The following FBXW2 variants were observed in gnomAD, a reference collection of about 807,000 sequenced individuals.
FBXW2 encodes the protein F-box/WD repeat-containing protein 2.
Under a neutral mutation model 46.0 loss-of-function variants are expected in FBXW2, and 12 were observed. The observed-to-expected ratio is 0.26, with a 90% CI of 0.17 to 0.42. FBXW2 has a LOEUF of 0.42. Among genes scored for constraint, FBXW2 ranks in the 10% least tolerant of loss-of-function variants. The pLI is 1.00. For missense variants in FBXW2, 360 were observed against 537.0 expected, an observed-to-expected ratio of 0.67 and a Z score of 3.26; for synonymous variants, 203 against 209.6, an observed-to-expected ratio of 0.97 and a Z score of 0.27.
rs2044144696 is a variant in FBXW2 at position 120,757,499 on chromosome 9, G to C, written c.*7060C>G. The C allele has an allele frequency of 6.6e-6, 1 of 152,140 alleles. No homozygotes were observed. The highest frequency in any genetic ancestry group is 1.5e-5 in the Non-Finnish European group (1 of 68,020). The allele number at this position is 152,140 out of a possible 1,614,324, so 9.4% of individuals were successfully genotyped here. A position where few individuals can be genotyped will look rare whatever the true frequency, so the allele number is the denominator to read the frequency against. On this transcript the variant is annotated 3_prime_UTR_variant, in exon 8 of 8. Transcript: ENST00000608872. ...CCTAATTATCTACCAAAACAGAAAT[G>C]GTTTAGCAAATTACAGTAATGAAGG...
At chr9:120,785,680 TA>T (rs2044704804) in intron 3 of FBXW2, among the ~76,000 whole-genome samples, 2 of 152,094 alleles carry the variant, frequency 1.3e-5, no homozygotes, top group Admixed American at 1.3e-4. Context: ...GCAAGTTACT[TA>T]ACACTATATT....
intron 5 of FBXW2, among the ~76,000 whole-genome samples, chr9:120,774,559 T>C (rs1450894642): frequency 6.6e-6 from 1 of 152,174 alleles, no homozygotes; most frequent in Admixed American, 6.5e-5. Context: ...ACAGTGAATC[T>C]GCAAGCCAGG....
chr9:120,767,702 T>A (rs1425009968), intron 7 of FBXW2, among the ~76,000 whole-genome samples: 3 of 152,188 alleles, frequency 2.0e-5, no homozygotes, highest in Non-Finnish European at 4.4e-5. Flanking sequence ...ATACTGAATT[T>A]CCTAGTCAAA....
At chr9:120,772,625 T>C in intron 6 of FBXW2, 129 bp downstream of exon 6, 1 of 564,632 alleles carries the variant, frequency 1.8e-6, no homozygotes, top group South Asian at 2.5e-5. Context: ...CCGGTGGGTT[T>C]AAAATGGCTT....
chr9:120,790,008 T>C (rs1345107431), intron 2 of FBXW2, among the ~76,000 whole-genome samples: 1 of 152,230 alleles, frequency 6.6e-6, no homozygotes, highest in African/African-American at 2.4e-5. Flanking sequence ...TATCGACTTA[T>C]CACGCAATAA....
intron 3 of FBXW2, 63 bp from the exon 4 acceptor site, chr9:120,778,608 C>T: frequency 5.0e-6 from 7 of 1,402,394 alleles, no homozygotes; most frequent in South Asian, 5.0e-5. Context: ...AAAATCAATC[C>T]CAAAATCATG....
chr9:120,770,181 C>T (rs1226931316), intron 7 of FBXW2, among the ~76,000 whole-genome samples: 4 of 152,110 alleles, frequency 2.6e-5, no homozygotes, highest in Admixed American at 6.6e-5. Flanking sequence ...TTGAGTCCAT[C>T]CTGCCTAGCA....
chr9:120,778,353 G>A lies in FBXW2; in HGVS notation c.683C>T (p.Ala228Val), dbSNP rs368572383. 2.0e-6 allele frequency: 2 copies of A among 1,008,492 alleles called. No individual in the cohort carries two copies. The highest frequency in any genetic ancestry group is 2.9e-6 in the Non-Finnish European group (2 of 686,944). 62.5% of individuals were successfully genotyped at this position (1,008,492 alleles called of 1,614,324 possible). ...RTQHFRGHTG[A>V]VFSVDYNDEL... Reference sequence around the variant, plus strand: ...ACCCTTGAAAAAGGGCAACCCACCCGCCCCCGTGTGCCCCCGAAAGTGCTG... The same window carrying A: ...ACCCTTGAAAAAGGGCAACCCACCCACCCCCGTGTGCCCCCGAAAGTGCTG... The change falls in exon 4 of 8, where the codon GCG (alanine) becomes GTG (valine). Residue 228 changes from alanine (A) to valine (V), a missense_variant and splice_region_variant. By Grantham distance (64) the Ala-to-Val change is moderately conservative. Coordinates refer to ENST00000608872, the MANE Select transcript of FBXW2 (RefSeq NM_012164.4).
At chr9:120,778,627 C>G in intron 3 of FBXW2, 82 bp from the exon 4 acceptor site, 1 of 1,209,566 alleles carries the variant, frequency 8.3e-7, no homozygotes, top group Non-Finnish European at 1.2e-6. Context: ...TGGTGTTCTT[C>G]AAGAACATTA....
At chr9:120,778,687 C>T (rs968771865) in intron 3 of FBXW2, 142 bp from the exon 4 acceptor site, 48 of 724,942 alleles carry the variant, frequency 6.6e-5, no homozygotes, top group African/African-American at 2.8e-4. Flanking sequence ...AATCAAAGCA[C>T]GGAGAGAGTA....
rs1301168640 is a variant in FBXW2, at chr9:120,757,139, C to T, written c.*7420G>A. On this transcript the variant is annotated 3_prime_UTR_variant, in exon 8 of 8. Transcript: ENST00000608872. ...CAAATAAGCACACATAAAAATATGT[C>T]ATTTTCTCTCTAGTCCCCTCCCCCA... 2.1e-5 allele frequency: 3 copies of T among 140,990 alleles called. No individual in the cohort carries two copies. The highest frequency in any genetic ancestry group is 4.7e-5 in the Non-Finnish European group (3 of 64,432). The allele number at this position is 140,990 out of a possible 1,614,324, so 8.7% of individuals were successfully genotyped here.
intron 5 of FBXW2, 91 bp from the exon 6 acceptor site, chr9:120,772,931 A>G (rs983462571): frequency 2.1e-4 from 190 of 889,356 alleles, no homozygotes; most frequent in Non-Finnish European, 2.8e-4. Context: ...AAATGAGCTT[A>G]ACATATGCTA....
intron 7 of FBXW2, among the ~76,000 whole-genome samples, chr9:120,766,216 G>C (rs564874564): frequency 6.6e-6 from 1 of 152,176 alleles, no homozygotes; most frequent in African/African-American, 2.4e-5. Context: ...AGCTGAGATG[G>C]GGAAGGAAAG....
At chr9:120,770,505 A>T (rs1361029628) in intron 7 of FBXW2, among the ~76,000 whole-genome samples, 1 of 152,236 alleles carries the variant, frequency 6.6e-6, no homozygotes, top group Non-Finnish European at 1.5e-5. Flanking sequence ...TGTGAAGTAC[A>T]GTAGGTTCAA....
At chr9:120,787,658 T>G in intron 3 of FBXW2, 111 bp downstream of exon 3, 1 of 1,189,008 alleles carries the variant, frequency 8.4e-7, no homozygotes. Flanking sequence ...AAAGTCACTG[T>G]ACATATCTCA....
At chr9:120,774,333 A>C (rs1348584834) in intron 5 of FBXW2, among the ~76,000 whole-genome samples, 1 of 80,130 alleles carries the variant, frequency 1.2e-5, no homozygotes, top group African/African-American at 5.0e-5. Context: ...GTGAAACTCC[A>C]TCTCAAAAAA....
intron 5 of FBXW2, among the ~76,000 whole-genome samples, chr9:120,775,598 G>T (rs575872224): frequency 2.0e-5 from 3 of 151,600 alleles, no homozygotes; most frequent in African/African-American, 4.8e-5. Context: ...CAACAATCTT[G>T]TTTTTTTTAA....
chr9:120,778,390 C>T lies in FBXW2; in HGVS notation c.646G>A (p.Gly216Arg). The change falls in exon 4 of 8, where the codon GGA becomes AGA. Residue 216 changes from glycine (G) to arginine (R), a missense_variant. Gly to Arg is a moderately radical substitution (Grantham distance 125). Transcript: ENST00000608872. ...NTVACWEWSS[G>R]ARTQHFRGHT... ...CCCCGAAAGTGCTGGGTCCTGGCTCCGGAACTCCATTCCCAGCAAGCCACA... is the reference window on the plus strand; with the variant it reads ...CCCCGAAAGTGCTGGGTCCTGGCTCTGGAACTCCATTCCCAGCAAGCCACA... 1.2e-6 allele frequency: 2 copies of T among 1,613,848 alleles called. No individual in the cohort carries two copies. The highest frequency in any genetic ancestry group is 1.7e-6 in the Non-Finnish European group (2 of 1,179,986).
chr9:120,791,716 C>T (rs753875852), intron 2 of FBXW2, among the ~76,000 whole-genome samples: 6 of 152,136 alleles, frequency 3.9e-5, no homozygotes, highest in Non-Finnish European at 7.4e-5. Flanking sequence ...AACTCAAGGG[C>T]TCAAACTTAC....
Sources: gnomAD v4.1 joint callset for allele counts (sites outside exome capture counted in the v4.1 genomes callset) on GRCh38, gnomAD v4.1.1 for gene constraint, MANE v1.5 for transcripts, NCBI Gene and HGNC (gene_info 2026-07-23, HGNC 2026-07-21) for gene names.